DGKZ: variants seen among roughly 807,000 people sequenced by gnomAD.
The protein encoded by DGKZ is DAG kinase zeta.
DGKZ carries 45 observed loss-of-function variants against 142.5 expected under a neutral mutation model. That is an observed-to-expected ratio of 0.32 (90% confidence interval 0.25 to 0.40). The LOEUF is 0.40. Ranked by LOEUF, DGKZ falls within the 10% of genes least tolerant of loss-of-function variation. The pLI is 1.00. For missense variants in DGKZ, 755 were observed against 1,306.5 expected (o/e 0.58, Z 6.51); for synonymous variants, 442 against 527.0 (o/e 0.84, Z 2.21).
downstream of DGKZ, chr11:46,380,448 CCT>C (rs1945087298): frequency 6.5e-6 from 1 of 154,724 alleles, no homozygotes; most frequent in African/African-American, 2.4e-5. Context: ...TCCCCGCTCC[CCT>C]GTCATTTCAT....
chr11:46,374,424 C>A, exon 16 of DGKZ: 1 of 1,614,118 alleles, frequency 6.2e-7, no homozygotes, highest in South Asian at 1.1e-5. Context: ...AATTCAACAG[C>A]CGCTTTCGGA....
rs1565074025 is a variant in DGKZ, at chr11:46,374,686, C to CGTGG, written c.1524+30_1524+33dup. ...GTGGTGGTGAGCGGGGCCAGGCTGC[C>CGTGG]GTGGGTGGGTGGGCCGGAAGGGAGG... On this transcript the variant is annotated intron_variant, in intron 17 of 30. Transcript: ENST00000527911. 1.6e-6 allele frequency: 2 copies of CGTGG among 1,230,340 alleles called. No homozygotes were observed. The highest frequency in any genetic ancestry group is 3.2e-5 in the East Asian group (1 of 31,282). 76.2% of individuals were successfully genotyped at this position (1,230,340 alleles called of 1,614,324 possible).
intron 1 of DGKZ, among the ~76,000 whole-genome samples, chr11:46,348,034 G>A (rs1422384109): frequency 3.9e-5 from 6 of 152,114 alleles, no homozygotes; most frequent in Non-Finnish European, 8.8e-5. Context: ...GGTCGGCTTG[G>A]CACTGTCACC....
chr11:46,366,804 A>C, intron 1 of DGKZ: 1 of 1,546,712 alleles, frequency 6.5e-7, no homozygotes, highest in Non-Finnish European at 8.7e-7. Context: ...CTGCACGGCT[A>C]CTATCGGCGC....
chr11:46,354,695 G>A (rs1941797699), intron 1 of DGKZ, among the ~76,000 whole-genome samples: 1 of 152,216 alleles, frequency 6.6e-6, no homozygotes, highest in South Asian at 2.1e-4. Flanking sequence ...ATTTTGGTGT[G>A]TGTGATGTTC....
intron 1 of DGKZ, chr11:46,338,520 A>G (rs1257772956): frequency 6.6e-6 from 1 of 152,078 alleles, no homozygotes; most frequent in Non-Finnish European, 1.5e-5. Context: ...AAAAAAAAAA[A>G]AAAGCACTCT....
In DGKZ at chr11:46,372,272, A is replaced by C; in HGVS notation, c.927+102A>C. 1 of 1,352,804 alleles carries C rather than the reference A, an allele frequency of 7.4e-7. No individual in the cohort carries two copies. The highest frequency in any genetic ancestry group is 1.8e-4 in the Middle Eastern group (1 of 5,462). 83.8% of individuals were successfully genotyped at this position (1,352,804 alleles called of 1,614,324 possible). A position where few individuals can be genotyped will look rare whatever the true frequency, so the allele number is the denominator to read the frequency against. ...AGAGCCCGTTTCTGGCTTCTACCCCAATCCCTCTTTCCCAGGGATCCTGAG... is the reference window on the plus strand; with the variant it reads ...AGAGCCCGTTTCTGGCTTCTACCCCCATCCCTCTTTCCCAGGGATCCTGAG... On this transcript the variant is annotated intron_variant, in intron 10 of 30. Coordinates refer to ENST00000527911, the Ensembl canonical transcript of DGKZ. The surrounding 1 kb of genome is among the most constrained non-coding windows in gnomAD (Gnocchi z 5.9).
exon 24 of DGKZ, chr11:46,376,529 A>G: frequency 6.2e-7 from 1 of 1,613,724 alleles, no homozygotes; most frequent in East Asian, 2.2e-5. Context: ...CACAGCCACC[A>G]CTGCCAGCCG....
intron 1 of DGKZ, chr11:46,365,324 A>G (rs1943125720): frequency 2.0e-6 from 2 of 985,432 alleles, no homozygotes; most frequent in African/African-American, 3.5e-5. Flanking sequence ...GTTTCCCGGC[A>G]TCACCCAGCT....
In DGKZ at chr11:46,376,161, T is replaced by G. The variant is rs756905416; in HGVS notation, c.2091+16T>G. ...ACTCCAGCAGGTAAGGGGTGGGGGC[T>G]TCCCCAGGTGCCCACCGAGAGGGTG... On this transcript the variant is annotated intron_variant, in intron 22 of 30. Transcript: ENST00000527911. The G allele has an allele frequency of 3.1e-6, 5 of 1,601,514 alleles. No individual in the cohort carries two copies. The African/African-American group carries it at 7.0e-5, about 22-fold the overall frequency.
intron 1 of DGKZ, among the ~76,000 whole-genome samples, chr11:46,336,575 T>A (rs561800174): frequency 2.6e-4 from 39 of 151,942 alleles, no homozygotes; most frequent in African/African-American, 7.2e-4. Context: ...AGCAAAAAAA[T>A]TTTTTGTTTT....
chr11:46,371,879 G>T (rs890367979), intron 9 of DGKZ, 104 bp downstream of exon 9: 2 of 1,401,980 alleles, frequency 1.4e-6, no homozygotes, highest in South Asian at 1.2e-5. Flanking sequence ...GCTGGTGGGG[G>T]TCTGTGTGGG....
At chr11:46,378,175 C>T in intron 25 of DGKZ, 23 bp from the exon 26 acceptor site, 1 of 1,607,358 alleles carries the variant, frequency 6.2e-7, no homozygotes, top group Non-Finnish European at 8.5e-7. Flanking sequence ...TAGCCGGTCA[C>T]AGCACATCAT....
chr11:46,366,011 A>C (rs1186548901), intron 1 of DGKZ: 1 of 985,004 alleles, frequency 1.0e-6, no homozygotes, highest in Non-Finnish European at 1.2e-6. Flanking sequence ...GTGCCCCAAC[A>C]GCTGTAAACG....
upstream of DGKZ, among the ~76,000 whole-genome samples, chr11:46,343,676 T>G (rs778514490): frequency 7.2e-5 from 11 of 152,254 alleles, no homozygotes; most frequent in Non-Finnish European, 1.0e-4. Context: ...TTCCAGCTCC[T>G]AACGCATTCC....
Position 46,367,653 on chromosome 11 carries a change from A to T in DGKZ, c.272A>T (p.Glu91Val). Residue 91 changes from glutamate (E) to valine (V), a missense_variant and splice_region_variant, in exon 3 of 31, where the codon GAG becomes GTG. Glu to Val is a moderately radical substitution (Grantham distance 121). Around this residue, in one of 8 missense-constraint regions of DGKZ, gnomAD observed 81 missense variants for 86.5 expected, o/e 0.94. Coordinates refer to ENST00000527911, the Ensembl canonical transcript of DGKZ. This position sits in a 1 kb window ranked among gnomAD's most constrained non-coding sequence, Gnocchi z 4.1. Reference sequence around the variant, plus strand: ...TGAGCAAGCCCATCCCGTGGCTAGGAGTCAGCGACATATGGGGAGCACATC... The same window carrying T: ...TGAGCAAGCCCATCCCGTGGCTAGGTGTCAGCGACATATGGGGAGCACATC... 1 of 1,598,022 alleles carries T rather than the reference A, an allele frequency of 6.3e-7. No homozygotes were observed. Among genetic ancestry groups the T allele is most frequent in the Non-Finnish European group, 8.5e-7 (1 of 1,169,704 alleles).
At chr11:46,334,432 T>A (rs1564986981) in intron 1 of DGKZ, among the ~76,000 whole-genome samples, 1 of 152,166 alleles carries the variant, frequency 6.6e-6, no homozygotes, top group Non-Finnish European at 1.5e-5. Flanking sequence ...CTTACAACCA[T>A]GGGGTGTTTG....
At chr11:46,375,213 C>G (rs1044156190) in intron 19 of DGKZ, among the ~76,000 whole-genome samples, 168 bp downstream of exon 19, 1 of 152,170 alleles carries the variant, frequency 6.6e-6, no homozygotes, top group Non-Finnish European at 1.5e-5. Context: ...CACTATGCCT[C>G]GGGATACCTT....
At chr11:46,365,224 G>A (rs1054077593) in intron 1 of DGKZ, 6 of 985,326 alleles carry the variant, frequency 6.1e-6, no homozygotes, top group Non-Finnish European at 6.0e-6. Context: ...GGGCTGTGCA[G>A]CGTTTGGAAT....
Sources: allele counts gnomAD v4.1 joint callset (sites outside exome capture counted in the v4.1 genomes callset), GRCh38; gene constraint gnomAD v4.1.1; regional missense constraint gnomAD v4.1.1; non-coding constraint Gnocchi (gnomAD v3.1); transcripts MANE v1.5; gene names NCBI Gene and HGNC (gene_info 2026-07-23, HGNC 2026-07-21).